Variants in CHIC1 observed in about 807,000 individuals in gnomAD.
The protein encoded by CHIC1 is cysteine rich hydrophobic domain 1, also known as cysteine-rich hydrophobic domain-containing protein 1.
Under a neutral mutation model 18.5 loss-of-function variants are expected in CHIC1, and 7 were observed. That is an observed-to-expected ratio of 0.38 (90% CI 0.22 to 0.71). The LOEUF is 0.71. Among genes scored for constraint, CHIC1 ranks in the 30% least tolerant of loss-of-function variants. The pLI, the probability that CHIC1 is intolerant of heterozygous loss-of-function variation, is 0.49. For synonymous variants in CHIC1, 77 were observed against 73.5 expected (o/e 1.05, Z -0.25); for missense variants, 159 against 176.9 (o/e 0.90, Z 0.57).
chrX:73,629,656 C>G (rs1341276696), intron 3 of CHIC1, among the ~76,000 whole-genome samples: 3 of 111,585 alleles, frequency 2.7e-5, no homozygotes. Flanking sequence ...TATTTGTCTA[C>G]TTTTATGTCA....
chrX:73,679,235 G>T, intron 3 of CHIC1, 91 bp from the exon 4 acceptor site: 1 of 539,202 alleles, frequency 1.9e-6, no homozygotes, highest in South Asian at 2.9e-5. Flanking sequence ...ATAGTAATGG[G>T]ATGTTACAAG....
At chrX:73,654,779 T>C (rs1367802766) in intron 3 of CHIC1, among the ~76,000 whole-genome samples, 1 of 112,134 alleles carries the variant, frequency 8.9e-6, no homozygotes, top group African/African-American at 3.2e-5. Context: ...CAGGAATTTG[T>C]CCATTATTTT....
At chrX:73,581,608 TCTC>T (rs1368897447) in intron 2 of CHIC1, among the ~76,000 whole-genome samples, 2 of 111,228 alleles carry the variant, frequency 1.8e-5, no homozygotes, top group Non-Finnish European at 3.8e-5. Flanking sequence ...ACAATCCTGG[TCTC>T]CTTTTAAAGT....
intron 3 of CHIC1, among the ~76,000 whole-genome samples, chrX:73,644,029 G>A (rs1311688975): frequency 9.0e-6 from 1 of 111,590 alleles, no homozygotes; most frequent in Non-Finnish European, 1.9e-5. Flanking sequence ...TGATGGTGAC[G>A]TACAGATGGG....
chrX:73,663,304 A>G (rs1258960334), intron 3 of CHIC1, among the ~76,000 whole-genome samples: 1 of 110,676 alleles, frequency 9.0e-6, no homozygotes, highest in Non-Finnish European at 1.9e-5. Flanking sequence ...GCTCTTTGTA[A>G]TTTTTCTCCC....
intron 3 of CHIC1, among the ~76,000 whole-genome samples, chrX:73,659,756 G>A (rs1166338115): frequency 3.6e-5 from 4 of 111,325 alleles, no homozygotes; most frequent in African/African-American, 1.3e-4. Flanking sequence ...AAATGTCATA[G>A]TGTAATTGTG....
chrX:73,599,365 T>G (rs2147563984), intron 3 of CHIC1, among the ~76,000 whole-genome samples: 1 of 95,427 alleles, frequency 1.0e-5, no homozygotes, highest in South Asian at 5.1e-4. Context: ...TTTTGTCTTT[T>G]GTTGCCATTG....
intron 3 of CHIC1, among the ~76,000 whole-genome samples, chrX:73,637,290 T>G (rs1373272077): frequency 9.2e-6 from 1 of 109,097 alleles, no homozygotes; most frequent in African/African-American, 3.4e-5. Context: ...TCTTGCTGAT[T>G]TTAAGTTTTT....
rs753871259 is a variant in CHIC1, at chrX:73,594,087, G to GT, written c.507+9515_507+9516insT. ...GGATGGGACTTTTTTATTTTATAGG[G>GT]GTTTTTTTTCCCTCTTGAAGGTTTG... On this transcript the variant is annotated intron_variant, in intron 3 of 5. Coordinates refer to ENST00000373502, the MANE Select transcript of CHIC1 (RefSeq NM_001039840.4). 9.1e-5 allele frequency among the ~76,000 whole-genome samples: 10 copies of GT among 109,956 alleles called. No individual in the cohort carries two copies. In the South Asian group the frequency reaches 3.8e-3, roughly 42 times the overall value.
intron 2 of CHIC1, among the ~76,000 whole-genome samples, chrX:73,582,842 T>C (rs1460875173): frequency 9.0e-6 from 1 of 111,222 alleles, no homozygotes; most frequent in Non-Finnish European, 1.9e-5. Context: ...TTTTCATAGC[T>C]AATAAGTAAC....
At chrX:73,620,439 C>T in intron 3 of CHIC1, among the ~76,000 whole-genome samples, 1 of 112,322 alleles carries the variant, frequency 8.9e-6, no homozygotes, top group Middle Eastern at 4.6e-3. Context: ...TTTTGACTTG[C>T]ATTTCTCTAA....
chrX:73,645,192 A>G (rs952222149), intron 3 of CHIC1, among the ~76,000 whole-genome samples: 4 of 112,399 alleles, frequency 3.6e-5, no homozygotes, highest in Admixed American at 9.4e-5. Flanking sequence ...GGCTTTTATC[A>G]CTTAACATAA....
chrX:73,599,694 C>A (rs1178286849), intron 3 of CHIC1, among the ~76,000 whole-genome samples: 1 of 104,368 alleles, frequency 9.6e-6, no homozygotes, highest in Non-Finnish European at 1.9e-5. Context: ...TGATCTATAT[C>A]TCTGTTTTGG....
intron 3 of CHIC1, among the ~76,000 whole-genome samples, chrX:73,611,801 G>A (rs2057710058): frequency 9.3e-6 from 1 of 107,796 alleles, no homozygotes; most frequent in Non-Finnish European, 1.9e-5. Context: ...TGTGTTTTTT[G>A]GCTGCATAAA....
At chrX:73,655,443 C>CATATATACACAATATTGTGTATATATAT (rs2057938917) in intron 3 of CHIC1, among the ~76,000 whole-genome samples, 2 of 44,993 alleles carry the variant, frequency 4.4e-5, no homozygotes, top group Non-Finnish European at 9.0e-5. Context: ...TATATATATA[C>CATATATACACAATATTGTGTATATATAT]ATATATACAC....
At chrX:73,615,783 G>A (rs2057729910) in intron 3 of CHIC1, among the ~76,000 whole-genome samples, 1 of 111,110 alleles carries the variant, frequency 9.0e-6, no homozygotes, top group African/African-American at 3.3e-5. Flanking sequence ...TGGAATGTTT[G>A]GCTGGGGGCA....
rs779136390 is a variant in CHIC1, at chrX:73,607,129, T to C, written c.507+22557T>C. ...CTGTTCCAGGGAGATATGAGTTTTA[T>C]CTATAAGTCTTTGACTGGAGCTGCT... is the stretch of plus-strand genomic sequence containing the variant. On this transcript the variant is annotated intron_variant, in intron 3 of 5. Transcript: ENST00000373502. Among the ~76,000 whole-genome samples, 119 of 108,965 alleles carry C rather than the reference T, an allele frequency of 1.1e-3. 1 individual carries two copies. In the Middle Eastern group the frequency reaches 0.018, roughly 17 times the overall value. The allele number at this position is 108,965 out of a possible 115,157, so 94.6% of individuals were successfully genotyped here.
At chrX:73,564,093 A>G (rs905353378) in intron 1 of CHIC1, among the ~76,000 whole-genome samples, 1 of 111,947 alleles carries the variant, frequency 8.9e-6, no homozygotes, top group Non-Finnish European at 1.9e-5. Flanking sequence ...CCTTCCTTAT[A>G]TATCACTCGA....
intron 3 of CHIC1, among the ~76,000 whole-genome samples, chrX:73,616,080 C>T (rs1231487244): frequency 9.1e-6 from 1 of 110,286 alleles, no homozygotes; most frequent in Non-Finnish European, 1.9e-5. Context: ...TATTGGCCCC[C>T]CTCCCCCCAG....
Sources: gnomAD v4.1 joint callset for allele counts (sites outside exome capture counted in the v4.1 genomes callset) on GRCh38, gnomAD v4.1.1 for gene constraint, MANE v1.5 for transcripts, NCBI Gene and HGNC (gene_info 2026-07-23, HGNC 2026-07-21) for gene names.